Variants in FCRL3 observed in about 807,000 individuals in gnomAD.
FCRL3 encodes the protein Fc receptor-like protein 3.
Under a neutral mutation model 75.0 loss-of-function variants are expected in FCRL3, and 89 were observed. The observed-to-expected ratio is 1.19, with a 90% CI of 1.00 to 1.42. The LOEUF (loss-of-function observed/expected upper bound fraction) is 1.42. Among genes scored for constraint, FCRL3 ranks in the 40% most tolerant of loss-of-function variants. The pLI, the probability that FCRL3 is intolerant of heterozygous loss-of-function variation, is 0.00. For missense variants in FCRL3, 946 were observed against 880.0 expected (o/e 1.07, Z -0.95); for synonymous variants, 376 against 348.5 (o/e 1.08, Z -0.88).
intron 13 of FCRL3, among the ~76,000 whole-genome samples, chr1:157,680,135 A>T (rs1571187065): frequency 6.6e-6 from 1 of 152,278 alleles, no homozygotes; most frequent in South Asian, 2.1e-4. Context: ...ACCAGTAAGA[A>T]ACATGAGCAC....
At chr1:157,679,080 C>T (rs1654652788) in intron 13 of FCRL3, 107 bp from the exon 14 acceptor site, 1 of 1,279,288 alleles carries the variant, frequency 7.8e-7, no homozygotes, top group South Asian at 1.2e-5. Flanking sequence ...TTTGCTTGAT[C>T]TCTTGCTGTT....
At chr1:157,685,449 C>T (rs974234224) in intron 10 of FCRL3, among the ~76,000 whole-genome samples, 1 of 152,012 alleles carries the variant, frequency 6.6e-6, no homozygotes, top group Non-Finnish European at 1.5e-5. Flanking sequence ...TCCTCTTGAT[C>T]TACAAAAAAA....
intron 10 of FCRL3, among the ~76,000 whole-genome samples, chr1:157,685,429 T>C (rs1185054815): frequency 2.0e-5 from 3 of 152,052 alleles, no homozygotes; most frequent in African/African-American, 7.2e-5. Context: ...CCCAGAATCA[T>C]AAAACAAGTT....
intron 10 of FCRL3, 25 bp from the exon 11 acceptor site, chr1:157,683,269 G>A: frequency 1.2e-6 from 2 of 1,613,084 alleles, no homozygotes; most frequent in Non-Finnish European, 1.7e-6. Context: ...AAGGAAGGTT[G>A]GTGGTAAGTG....
At position 157,678,076 on chromosome 1, in the gene FCRL3, T is replaced by C; in HGVS notation, c.*634A>G. The C allele has an allele frequency of 1.0e-6, 1 of 985,830 alleles. No homozygotes were observed. The highest frequency in any genetic ancestry group is 1.2e-6 in the Non-Finnish European group (1 of 830,254). The allele number at this position is 985,830 out of a possible 1,614,324, so 61.1% of individuals were successfully genotyped here. On this transcript the variant is annotated 3_prime_UTR_variant, in exon 15 of 15. Coordinates refer to ENST00000368184, the MANE Select transcript of FCRL3 (RefSeq NM_052939.4). ...ACACATAAGGTCTTTGCAGTGGGGA[T>C]ACAAGTCACATATTAAACTAGCAGA...
rs1189260869 is a variant in FCRL3 at position 157,697,238 on chromosome 1, G to A, written c.746C>T (p.Ala249Val). 7 of 1,606,876 alleles carry A rather than the reference G, an allele frequency of 4.4e-6. No individual in the cohort carries two copies. The highest frequency in any genetic ancestry group is 6.0e-6 in the Non-Finnish European group (7 of 1,176,066). ...WSRSPRLQIPAMWTEDSGSYW... is the reference protein window; with the variant it reads ...WSRSPRLQIPVMWTEDSGSYW... ...AGACCCTGAGTCTTCAGTCCACATG[G>A]CAGGGATCTGGAGTCTGGGGGACCT... Residue 249 changes from alanine (A) to valine (V), a missense_variant, in exon 6 of 15, where the codon GCC becomes GTC. By Grantham distance (64) the Ala-to-Val change is moderately conservative (BLOSUM62 0). Coordinates refer to ENST00000368184, the MANE Select transcript of FCRL3 (RefSeq NM_052939.4).
At chr1:157,695,905 CCCT>C in intron 7 of FCRL3, 132 bp downstream of exon 7, 6 of 443,748 alleles carry the variant, frequency 1.4e-5, no homozygotes, top group South Asian at 2.4e-5. Context: ...CTCTCTCTCC[CCCT>C]CTCTCTCTCT....
At position 157,680,709 on chromosome 1, in the gene FCRL3, T is replaced by C; in HGVS notation, c.2019A>G (p.Glu673=). 1 of 1,614,044 alleles carries C rather than the reference T, an allele frequency of 6.2e-7. No individual in the cohort carries two copies. The highest frequency in any genetic ancestry group is 8.5e-7 in the Non-Finnish European group (1 of 1,179,922). ...GCCTGAAAGGCATCTTACCTGAGTT[T>C]TCTTTTGTATGCTGGATGCTCCAGA... The part of the protein sequence containing the change: ...SQIWSIQHTK[E]NSANCPMMHQ... Residue 673 remains glutamate, a synonymous_variant, in exon 13 of 15, where the codon GAA becomes GAG. Transcript: ENST00000368184.
intron 10 of FCRL3, among the ~76,000 whole-genome samples, chr1:157,685,211 A>G (rs1655103036): frequency 6.6e-6 from 1 of 151,812 alleles, no homozygotes; most frequent in Admixed American, 6.6e-5. Flanking sequence ...CCAGATAAAC[A>G]ATGAGAGGAA....
chr1:157,698,308 G>T, intron 4 of FCRL3, 76 bp downstream of exon 4: 2 of 1,557,814 alleles, frequency 1.3e-6, no homozygotes, highest in South Asian at 1.2e-5. Context: ...ACTCTGCCTA[G>T]GATCCCTGCA....
In FCRL3 at chr1:157,699,679, A is replaced by G. The variant is rs374486771; in HGVS notation, c.52+13T>C. On this transcript the variant is annotated intron_variant, in intron 3 of 14. Transcript: ENST00000368184. ...TCCAGAGACCAGAGGGGCAGAGAGA[A>G]GGAGAAACTTACCTGATTGTTCTCT... is the stretch of plus-strand genomic sequence containing the variant. 1.2e-6 allele frequency: 2 copies of G among 1,613,564 alleles called. No homozygotes were observed. The highest frequency in any genetic ancestry group is 2.7e-5 in the African/African-American group (2 of 75,002).
intron 10 of FCRL3, 69 bp from the exon 11 acceptor site, chr1:157,683,313 T>C (rs1177841110): frequency 1.3e-6 from 2 of 1,559,626 alleles, no homozygotes; most frequent in African/African-American, 2.8e-5. Flanking sequence ...TGTTAGAACA[T>C]TTTTTCCTAG....
Position 157,698,516 on chromosome 1 carries a change from T to C in FCRL3, c.166A>G (p.Thr56Ala). 1 of 1,614,230 alleles carries C rather than the reference T, an allele frequency of 6.2e-7. No homozygotes were observed. The highest frequency in any genetic ancestry group is 8.5e-7 in the Non-Finnish European group (1 of 1,180,028). The change falls in exon 4 of 15, where the codon ACA becomes GCA. Residue 56 changes from threonine to alanine, a missense_variant. Thr to Ala is a moderately conservative substitution (Grantham distance 58). Coordinates refer to ENST00000368184, the MANE Select transcript of FCRL3 (RefSeq NM_052939.4). ...SISHSLAQGD[T>A]YWYHDEKLLK... ...AACTTCTCATCGTGATACCAATATG[T>C]GTCTCCCTGGGCTAGGGAATGTGAT...
intron 6 of FCRL3, chr1:157,696,642 G>T: frequency 2.9e-6 from 1 of 348,958 alleles, no homozygotes; most frequent in Non-Finnish European, 5.2e-6. Flanking sequence ...AAATAAAAGA[G>T]AACACTGGAG....
rs1470169348 is a variant in FCRL3 at position 157,690,539 on chromosome 1, G to T, written c.1412-6C>A. 5 of 1,612,642 alleles carry T rather than the reference G, an allele frequency of 3.1e-6. No homozygotes were observed. Among genetic ancestry groups the T allele is most frequent in the Non-Finnish European group, 4.2e-6 (5 of 1,179,374 alleles). On this transcript the variant is annotated splice_polypyrimidine_tract_variant and splice_region_variant and intron_variant, in intron 8 of 14. Transcript: ENST00000368184. ...GACGGGGCGAGACACCGGAACTGAG[G>T]GAGGAAAAATAGTTCACTGGCAGTT... is the stretch of plus-strand genomic sequence containing the variant.
At chr1:157,685,839 C>T (rs1655141812) in intron 10 of FCRL3, among the ~76,000 whole-genome samples, 1 of 152,046 alleles carries the variant, frequency 6.6e-6, no homozygotes, top group Non-Finnish European at 1.5e-5. Flanking sequence ...CAACTTACTC[C>T]TGAATAACTC....
intron 10 of FCRL3, among the ~76,000 whole-genome samples, chr1:157,685,210 C>T (rs1040570953): frequency 2.0e-5 from 3 of 151,124 alleles, no homozygotes; most frequent in African/African-American, 7.3e-5. Flanking sequence ...CCCAGATAAA[C>T]AATGAGAGGA....
In FCRL3 at chr1:157,690,293, C is replaced by T; in HGVS notation, c.1652G>A (p.Gly551Glu). 2 of 1,614,220 alleles carry T rather than the reference C, an allele frequency of 1.2e-6. No homozygotes were observed. The highest frequency in any genetic ancestry group is 1.7e-6 in the Non-Finnish European group (2 of 1,180,036). ...NYSCEADNGL[G>E]AQHSKVVTLN... ...TGTCACCACTTTACTGTGCTGGGCCCCCAGGCCATTGTCAGCCTCACATGA... is the reference window on the plus strand; with the variant it reads ...TGTCACCACTTTACTGTGCTGGGCCTCCAGGCCATTGTCAGCCTCACATGA... Residue 551 changes from glycine to glutamate, a missense_variant, in exon 9 of 15, where the codon GGG becomes GAG. Physicochemically the swap from Gly to Glu is moderately conservative, Grantham distance 98. Transcript: ENST00000368184.
Position 157,696,086 on chromosome 1 carries a change from G to C in FCRL3, c.1086C>G (p.Asn362Lys), listed in dbSNP as rs368325573. The C allele has an allele frequency of 1.9e-6, 3 of 1,613,232 alleles. No individual in the cohort carries two copies. Among genetic ancestry groups the C allele is most frequent in the Non-Finnish European group, 2.5e-6 (3 of 1,179,960 alleles). The stretch of plus-strand genomic sequence containing the variant: ...ACGTGCTGAGGATGGGGCTGTGAAC[G>C]TTATCAGCTGCACAGTAGTATCTCC... ...DAGRYYCAAD[N>K]VHSPILSTWI... Residue 362 changes from asparagine to lysine, a missense_variant, in exon 7 of 15, where the codon AAC becomes AAG. Asn to Lys is a moderately conservative substitution (Grantham distance 94). Coordinates refer to ENST00000368184, the MANE Select transcript of FCRL3 (RefSeq NM_052939.4).
Sources: allele counts gnomAD v4.1 joint callset (sites outside exome capture counted in the v4.1 genomes callset), GRCh38; gene constraint gnomAD v4.1.1; transcripts MANE v1.5; gene names NCBI Gene and HGNC (gene_info 2026-07-23, HGNC 2026-07-21).